ZNF564: variants seen among roughly 807,000 people sequenced by gnomAD.
The protein encoded by ZNF564 is zinc finger protein 564.
Under a neutral mutation model 10.5 loss-of-function variants are expected in ZNF564, and 5 were observed. That is an observed-to-expected ratio of 0.48 (90% CI 0.25 to 1.00). The LOEUF is 1.00. Ranked by LOEUF, ZNF564 falls within the 50% of genes least tolerant of loss-of-function variation. The pLI is 0.16. For missense variants in ZNF564, 603 were observed against 669.7 expected (o/e 0.90, Z 1.10); for synonymous variants, 242 against 218.1 (o/e 1.11, Z -0.97).
At chr19:12,543,022 C>T (rs972682940) in intron 1 of ZNF564, among the ~76,000 whole-genome samples, 88 of 151,820 alleles carry the variant, frequency 5.8e-4, no homozygotes, top group African/African-American at 2.1e-3. Context: ...AAGAAGGGGC[C>T]GGGCGCGGTG....
chr19:12,542,232 C>T (rs899654687), intron 1 of ZNF564, among the ~76,000 whole-genome samples: 2 of 144,416 alleles, frequency 1.4e-5, no homozygotes, highest in Admixed American at 7.3e-5. Flanking sequence ...TTGCTTGAAC[C>T]GGGTAGGCAG....
rs547254501 is a variant in ZNF564, at chr19:12,526,468, G to A, written c.1640C>T (p.Ser547Leu). The A allele has an allele frequency of 1.5e-5, 24 of 1,600,262 alleles. No homozygotes were observed. The highest frequency in any genetic ancestry group is 1.0e-4 in the Admixed American group (6 of 57,180). The change falls in exon 4 of 4, where the codon TCG (serine) becomes TTG (leucine). Residue 547 changes from serine to leucine, a missense_variant. Coordinates refer to ENST00000339282, the MANE Select transcript of ZNF564 (RefSeq NM_144976.4). ...CCACTATTCATTTTCACAGGTATTC[G>A]AAGGTTGTGTGATAAATGAAAGCTT... ...VGKLSFITQPSNTCENE is the reference protein window; with the variant it reads ...VGKLSFITQPLNTCENE
At position 12,527,051 on chromosome 19, in the gene ZNF564, G is replaced by T; in HGVS notation, c.1057C>A (p.Arg353=). 1 of 1,613,874 alleles carries T rather than the reference G, an allele frequency of 6.2e-7. No homozygotes were observed. Among genetic ancestry groups the T allele is most frequent in the South Asian group, 1.1e-5 (1 of 91,072 alleles). ...CCAGTGTGAGTCCTTTCATGTGTTC[G>T]AACATTACTGGAAGAACTGAAGGTT... The part of the protein sequence containing the change: ...GKTFSSSSNV[R]THERTHTGEK... The change falls in exon 4 of 4, where the codon CGA becomes AGA. Residue 353 remains arginine (R), a synonymous_variant. Coordinates refer to ENST00000339282, the MANE Select transcript of ZNF564 (RefSeq NM_144976.4).
chr19:12,543,490 C>G (rs1406555715), intron 1 of ZNF564, among the ~76,000 whole-genome samples: 1 of 151,452 alleles, frequency 6.6e-6, no homozygotes, highest in East Asian at 2.0e-4. Context: ...GCCTGGTCAA[C>G]ATAGTGAAAC....
Position 12,528,158 on chromosome 19 carries a change from C to A in ZNF564, c.191+146G>T, listed in dbSNP as rs771841696. Reference sequence around the variant, plus strand: ...AAGTGAATGATTTTGCAACACTGAACATCTATGCCACTTTTTCTTTTTCTG... The same window carrying A: ...AAGTGAATGATTTTGCAACACTGAAAATCTATGCCACTTTTTCTTTTTCTG... On this transcript the variant is annotated intron_variant, in intron 3 of 3. Transcript: ENST00000339282. 4.1e-4 allele frequency: 355 copies of A among 871,160 alleles called. 1 individual carries two copies. Among genetic ancestry groups the A allele is most frequent in the Middle Eastern group, 3.5e-3 (12 of 3,418 alleles). 54.0% of individuals were successfully genotyped at this position (871,160 alleles called of 1,614,324 possible). A position where few individuals can be genotyped will look rare whatever the true frequency, so the allele number is the denominator to read the frequency against.
At chr19:12,529,294 A>G (rs2021752970) in intron 1 of ZNF564, among the ~76,000 whole-genome samples, 1 of 151,974 alleles carries the variant, frequency 6.6e-6, no homozygotes, top group Non-Finnish European at 1.5e-5. Context: ...GGAGAAACAA[A>G]TAAAATGCTA....
chr19:12,536,054 TC>T (rs1218496806), intron 1 of ZNF564, among the ~76,000 whole-genome samples: 2 of 150,894 alleles, frequency 1.3e-5, no homozygotes, highest in African/African-American at 2.4e-5. Context: ...AGAAGAGTGA[TC>T]ATTAAATAAC....
intron 1 of ZNF564, among the ~76,000 whole-genome samples, chr19:12,542,741 T>C (rs1207516844): frequency 6.6e-6 from 1 of 151,884 alleles, no homozygotes; most frequent in Admixed American, 6.6e-5. Flanking sequence ...CCATAGCTCA[T>C]GCCTGTAATC....
At chr19:12,533,229 TTTAGAGA>T (rs768769161) in intron 1 of ZNF564, among the ~76,000 whole-genome samples, 68 of 152,186 alleles carry the variant, frequency 4.5e-4, no homozygotes, top group Non-Finnish European at 1.0e-4. Context: ...CCCCCAAATC[TTTAGAGA>T]TTAAACAACA....
intron 1 of ZNF564, among the ~76,000 whole-genome samples, chr19:12,531,641 C>T (rs1405397395): frequency 6.6e-6 from 1 of 151,858 alleles, no homozygotes; most frequent in Non-Finnish European, 1.5e-5. Context: ...TACAATACCA[C>T]AGAAGGCCAC....
chr19:12,529,909 A>T (rs1599277753), intron 1 of ZNF564: 1 of 146,672 alleles, frequency 6.8e-6, no homozygotes, highest in Middle Eastern at 3.4e-3. Context: ...GCTTGAGACC[A>T]GGAGGCGGAC....
intron 1 of ZNF564, among the ~76,000 whole-genome samples, chr19:12,542,648 G>GAAA: frequency 1.0e-5 from 1 of 95,520 alleles, no homozygotes; most frequent in South Asian, 2.6e-4. Context: ...GAAAGGGAAA[G>GAAA]GAAGAAAGAA....
rs762113344 is a variant in ZNF564, at chr19:12,526,605, T to C, written c.1503A>G (p.Gly501=). 1 of 1,614,168 alleles carries C rather than the reference T, an allele frequency of 6.2e-7. No individual in the cohort carries two copies. The highest frequency in any genetic ancestry group is 1.1e-5 in the South Asian group (1 of 91,082). Residue 501 remains glycine, a synonymous_variant, in exon 4 of 4, where the codon GGA becomes GGG. Transcript: ENST00000339282. ...ATTGCTTACATTCATAGGGTTTTTC[T>C]CCGGTATGAGTTCTTTCATGTATTC... ...SIRIHERTHT[G]EKPYECKQCG...
At chr19:12,548,920 G>A (rs1243020690) in intron 1 of ZNF564, 1 of 700,946 alleles carries the variant, frequency 1.4e-6, no homozygotes, top group East Asian at 2.7e-5. Context: ...ATGTGGAAAT[G>A]TATTCGTTTC....
chr19:12,530,085 A>C (rs570999277), intron 1 of ZNF564: 1 of 152,424 alleles, frequency 6.6e-6, no homozygotes, highest in Non-Finnish European at 1.5e-5. Flanking sequence ...GAAGAAGTGA[A>C]ACCATTTTCT....
chr19:12,536,156 A>C (rs2021907647), intron 1 of ZNF564, among the ~76,000 whole-genome samples: 1 of 152,136 alleles, frequency 6.6e-6, no homozygotes, highest in African/African-American at 2.4e-5. Context: ...CTCATGACTG[A>C]AAAGTAACTA....
intron 1 of ZNF564, among the ~76,000 whole-genome samples, chr19:12,536,912 T>C (rs2021926940): frequency 6.6e-6 from 1 of 152,174 alleles, no homozygotes; most frequent in African/African-American, 2.4e-5. Context: ...GCAATCATAA[T>C]CACAATTTTC....
chr19:12,540,802 C>T (rs537600193), intron 1 of ZNF564, among the ~76,000 whole-genome samples: 3 of 151,468 alleles, frequency 2.0e-5, no homozygotes, highest in Non-Finnish European at 2.9e-5. Flanking sequence ...TGCAGTGAGC[C>T]GAGATGGCAC....
intron 1 of ZNF564, among the ~76,000 whole-genome samples, chr19:12,549,211 G>A (rs1213625423): frequency 6.6e-6 from 1 of 152,066 alleles, no homozygotes; most frequent in African/African-American, 2.4e-5. Context: ...TGTCTTTCAA[G>A]CACTACTGAT....
Sources: allele counts gnomAD v4.1 joint callset (sites outside exome capture counted in the v4.1 genomes callset), GRCh38; gene constraint gnomAD v4.1.1; transcripts MANE v1.5; gene names NCBI Gene and HGNC (gene_info 2026-07-23, HGNC 2026-07-21).